Variants in ANTXR1 observed in about 807,000 individuals in gnomAD.
ANTXR1 encodes ANTXR cell adhesion molecule 1.
Under a neutral mutation model 78.1 loss-of-function variants are expected in ANTXR1, and 19 were observed. That is an observed-to-expected ratio of 0.24 (90% CI 0.17 to 0.36). The LOEUF (loss-of-function observed/expected upper bound fraction) is 0.36, where lower values mean the gene tolerates loss of function less well. Among genes scored for constraint, ANTXR1 ranks in the 10% least tolerant of loss-of-function variants. ANTXR1 has a pLI of 1.00. For missense variants in ANTXR1, 518 were observed against 718.6 expected (o/e 0.72, Z 3.19); for synonymous variants, 273 against 260.5 (o/e 1.05, Z -0.46).
At chr2:69,065,084 T>C (rs965953837) in intron 3 of ANTXR1, among the ~76,000 whole-genome samples, 11 of 152,110 alleles carry the variant, frequency 7.2e-5, no homozygotes, top group African/African-American at 2.4e-4. Context: ...ATCACAAAGC[T>C]CAAAGTTGAG....
chr2:69,193,441 T>G (rs757057039), intron 17 of ANTXR1, 26 bp downstream of exon 17: 1 of 1,448,948 alleles, frequency 6.9e-7, no homozygotes, highest in Non-Finnish European at 9.5e-7. Flanking sequence ...TCATTAATGG[T>G]GTCTCTCTCT....
chr2:69,206,243 G>T (rs1243457456), intron 17 of ANTXR1, among the ~76,000 whole-genome samples: 1 of 152,212 alleles, frequency 6.6e-6, no homozygotes, highest in Admixed American at 6.5e-5. Flanking sequence ...CAACACCTAT[G>T]TTTCAAGGAC....
intron 12 of ANTXR1, among the ~76,000 whole-genome samples, chr2:69,137,423 A>T (rs182132744): frequency 2.0e-5 from 3 of 152,178 alleles, no homozygotes; most frequent in African/African-American, 7.2e-5. Context: ...TGAATGACCA[A>T]TGTGTCCATT....
chr2:69,069,931 C>CT (rs1670516173), intron 3 of ANTXR1, among the ~76,000 whole-genome samples: 1 of 152,074 alleles, frequency 6.6e-6, no homozygotes, highest in African/African-American at 2.4e-5. Context: ...CTTTATTGCC[C>CT]TTTTTGGCAC....
At chr2:69,169,400 C>G (rs369542156) in intron 13 of ANTXR1, among the ~76,000 whole-genome samples, 1 of 152,212 alleles carries the variant, frequency 6.6e-6, no homozygotes, top group African/African-American at 2.4e-5. Flanking sequence ...TTGCCAAATG[C>G]CATGTAAGAG....
chr2:69,239,171 T>C (rs1450309231), intron 17 of ANTXR1, among the ~76,000 whole-genome samples: 1 of 152,208 alleles, frequency 6.6e-6, no homozygotes, highest in East Asian at 1.9e-4. Flanking sequence ...AAATATGCAA[T>C]ACAAAGCATT....
At chr2:69,126,246 G>A (rs1346263372) in intron 12 of ANTXR1, among the ~76,000 whole-genome samples, 1 of 152,108 alleles carries the variant, frequency 6.6e-6, no homozygotes, top group Non-Finnish European at 1.5e-5. Flanking sequence ...TTGAAAGCAG[G>A]GTAACCCATT....
chr2:69,122,448 T>G (rs962716642), intron 10 of ANTXR1, among the ~76,000 whole-genome samples: 12 of 152,206 alleles, frequency 7.9e-5, no homozygotes, highest in African/African-American at 2.9e-4. Flanking sequence ...TTCCCCTCAG[T>G]GATTCCTGCT....
intron 1 of ANTXR1, among the ~76,000 whole-genome samples, chr2:69,036,442 C>T (rs1669427382): frequency 6.6e-6 from 1 of 152,138 alleles, no homozygotes; most frequent in East Asian, 1.9e-4. Flanking sequence ...TATAGCCACC[C>T]TCTTGTGCTA....
intron 12 of ANTXR1, among the ~76,000 whole-genome samples, chr2:69,141,593 T>C (rs1262299674): frequency 6.6e-6 from 1 of 152,244 alleles, no homozygotes; most frequent in Non-Finnish European, 1.5e-5. Flanking sequence ...TCTGTTTCCT[T>C]CTGCCTGACC....
Position 69,219,421 on chromosome 2 carries a change from A to C in ANTXR1, c.1435-25804A>C, listed in dbSNP as rs538839066. The stretch of plus-strand genomic sequence containing the variant: ...CACACACACACACACACACACACAC[A>C]CCCTACTGATGAAAATTAGGTTATC... On this transcript the variant is annotated intron_variant, in intron 17 of 17. Coordinates refer to ENST00000303714, the MANE Select transcript of ANTXR1 (RefSeq NM_032208.3). Among the ~76,000 whole-genome samples the C allele has an allele frequency of 5.4e-3, 818 of 150,210 alleles. 6 individuals carry two copies. Among genetic ancestry groups the C allele is most frequent in the Non-Finnish European group, 7.6e-3 (518 of 67,728 alleles).
intron 17 of ANTXR1, among the ~76,000 whole-genome samples, chr2:69,231,407 G>A (rs1319297750): frequency 6.6e-6 from 1 of 151,994 alleles, no homozygotes; most frequent in Non-Finnish European, 1.5e-5. Context: ...AGCAACTTTA[G>A]GAAGGGTGCC....
intron 17 of ANTXR1, among the ~76,000 whole-genome samples, chr2:69,215,619 T>C (rs1675155889): frequency 1.3e-5 from 2 of 152,176 alleles, no homozygotes; most frequent in African/African-American, 4.8e-5. Flanking sequence ...TAGCGTCCCC[T>C]CCTCAGCCTG....
At chr2:69,076,207 G>C (rs1387669250) in intron 7 of ANTXR1, among the ~76,000 whole-genome samples, 1 of 152,036 alleles carries the variant, frequency 6.6e-6, no homozygotes, top group Non-Finnish European at 1.5e-5. Context: ...TAACTCCTGG[G>C]CTCAAGTGAT....
intron 12 of ANTXR1, among the ~76,000 whole-genome samples, chr2:69,132,141 G>A (rs549095605): frequency 4.6e-5 from 7 of 152,164 alleles, no homozygotes; most frequent in Non-Finnish European, 8.8e-5. Flanking sequence ...GGGAACATTG[G>A]CATGGCCTGA....
At chr2:69,088,606 GA>G (rs778578755) in intron 8 of ANTXR1, among the ~76,000 whole-genome samples, 1 of 152,150 alleles carries the variant, frequency 6.6e-6, no homozygotes, top group Non-Finnish European at 1.5e-5. Flanking sequence ...CATCAAACAG[GA>G]AGAGCCCAAG....
chr2:69,040,600 G>A lies in ANTXR1; in HGVS notation c.224+485G>A, dbSNP rs560475575. ...TGACAATTGGTCGCTCTCTAGCTGT[G>A]TGTACTATTATCAGGTAGAATCCTC... On this transcript the variant is annotated intron_variant, in intron 2 of 17. Coordinates refer to ENST00000303714, the MANE Select transcript of ANTXR1 (RefSeq NM_032208.3). 5.3e-5 allele frequency among the ~76,000 whole-genome samples: 8 copies of A among 152,304 alleles called. No individual in the cohort carries two copies. The South Asian group carries it at 1.2e-3, about 24-fold the overall frequency.
At chr2:69,153,516 G>T (rs1477382152) in intron 13 of ANTXR1, among the ~76,000 whole-genome samples, 1 of 152,162 alleles carries the variant, frequency 6.6e-6, no homozygotes, top group Non-Finnish European at 1.5e-5. Context: ...TTAGGACCCT[G>T]CAGGCTGGGC....
chr2:69,044,928 TC>T, intron 3 of ANTXR1, 115 bp downstream of exon 3: 1 of 1,039,546 alleles, frequency 9.6e-7, no homozygotes, highest in Non-Finnish European at 1.5e-6. Context: ...AATAGTTCCT[TC>T]TTTTACCCTA....
Sources: allele counts gnomAD v4.1 joint callset (sites outside exome capture counted in the v4.1 genomes callset), GRCh38; gene constraint gnomAD v4.1.1; transcripts MANE v1.5; gene names NCBI Gene and HGNC (gene_info 2026-07-23, HGNC 2026-07-21).